The following TSPAN5 variants were observed in gnomAD, a reference collection of about 807,000 sequenced individuals.
The protein encoded by TSPAN5 is tetraspanin-5.
A neutral mutation model predicts 37.1 loss-of-function variants in TSPAN5; 10 were observed. The observed-to-expected ratio is 0.27, with a 90% confidence interval of 0.17 to 0.46. TSPAN5 has a LOEUF of 0.46. TSPAN5 is among the 20% of genes least tolerant of loss of function. TSPAN5 has a pLI of 1.00. For missense variants in TSPAN5, 195 were observed against 326.6 expected (o/e 0.60, Z 3.11); for synonymous variants, 110 against 118.9 (o/e 0.93, Z 0.48).
intron 1 of TSPAN5, among the ~76,000 whole-genome samples, chr4:98,552,631 A>G (rs1438678091): frequency 6.6e-6 from 1 of 152,172 alleles, no homozygotes; most frequent in Admixed American, 6.5e-5. Context: ...GTGGGTGCTT[A>G]AGACTTGTCC....
chr4:98,512,222 GA>G (rs138647609), intron 1 of TSPAN5, among the ~76,000 whole-genome samples: 20 of 146,488 alleles, frequency 1.4e-4, no homozygotes, highest in South Asian at 8.7e-4. Context: ...AAACAAAAAA[GA>G]AAAAAAAAAG....
intron 1 of TSPAN5, among the ~76,000 whole-genome samples, chr4:98,642,134 C>A (rs931635316): frequency 1.3e-5 from 2 of 152,314 alleles, no homozygotes; most frequent in South Asian, 4.1e-4. Flanking sequence ...GCTATTCCTG[C>A]TCAAAAGAAT....
At chr4:98,550,245 T>A (rs1210878017) in intron 1 of TSPAN5, among the ~76,000 whole-genome samples, 2 of 152,186 alleles carry the variant, frequency 1.3e-5, no homozygotes, top group Non-Finnish European at 2.9e-5. Flanking sequence ...GATCTATGTG[T>A]CTATTTTTAT....
intron 2 of TSPAN5, among the ~76,000 whole-genome samples, chr4:98,502,056 G>A (rs1292352088): frequency 1.3e-5 from 2 of 152,206 alleles, no homozygotes; most frequent in Admixed American, 6.5e-5. Flanking sequence ...CTGATGGGCT[G>A]AATATGGTAT....
intron 2 of TSPAN5, among the ~76,000 whole-genome samples, chr4:98,493,473 C>T (rs573724156): frequency 2.0e-4 from 31 of 152,144 alleles, no homozygotes; most frequent in African/African-American, 5.8e-4. Context: ...TATTTCCATC[C>T]GTTTTAGTTG....
At chr4:98,531,463 C>T (rs1754086518) in intron 1 of TSPAN5, among the ~76,000 whole-genome samples, 1 of 152,208 alleles carries the variant, frequency 6.6e-6, no homozygotes, top group Admixed American at 6.5e-5. Flanking sequence ...TTCATCCAGT[C>T]TATCACTGAT....
intron 1 of TSPAN5, among the ~76,000 whole-genome samples, chr4:98,574,285 A>C (rs1278614012): frequency 2.0e-5 from 3 of 152,126 alleles, no homozygotes; most frequent in Admixed American, 6.5e-5. Context: ...TAAACTTACC[A>C]ACAGTTGATG....
At chr4:98,486,396 T>C (rs1302842870) in intron 3 of TSPAN5, 1 of 200,734 alleles carries the variant, frequency 5.0e-6, no homozygotes, top group Non-Finnish European at 9.9e-6. Flanking sequence ...CCACTTACTA[T>C]GTGCATTAAA....
At chr4:98,639,762 T>TA (rs1248024421) in intron 1 of TSPAN5, among the ~76,000 whole-genome samples, 1 of 152,216 alleles carries the variant, frequency 6.6e-6, no homozygotes, top group Non-Finnish European at 1.5e-5. Flanking sequence ...ATTAGAAACT[T>TA]ATCTATGTTT....
At chr4:98,607,621 T>C (rs1199604445) in intron 1 of TSPAN5, among the ~76,000 whole-genome samples, 1 of 152,194 alleles carries the variant, frequency 6.6e-6, no homozygotes, top group Non-Finnish European at 1.5e-5. Context: ...TACATATACA[T>C]TTTGTTACAA....
At chr4:98,499,079 C>T (rs897103205) in intron 2 of TSPAN5, among the ~76,000 whole-genome samples, 1 of 152,214 alleles carries the variant, frequency 6.6e-6, no homozygotes, top group African/African-American at 2.4e-5. Context: ...GCAGGGCTGC[C>T]AGGTGGTCAC....
chr4:98,607,709 GA>G (rs1480096680), intron 1 of TSPAN5, among the ~76,000 whole-genome samples: 3 of 149,270 alleles, frequency 2.0e-5, no homozygotes, highest in African/African-American at 5.0e-5. Flanking sequence ...TGCCTTAAAT[GA>G]AATTTTTTTT....
chr4:98,649,390 T>A (rs888262573), intron 1 of TSPAN5, among the ~76,000 whole-genome samples: 1 of 152,164 alleles, frequency 6.6e-6, no homozygotes, highest in African/African-American at 2.4e-5. Context: ...TAAATCTAAA[T>A]TCAAATAATT....
At chr4:98,616,413 C>T (rs919545399) in intron 1 of TSPAN5, among the ~76,000 whole-genome samples, 19 of 152,126 alleles carry the variant, frequency 1.2e-4, no homozygotes, top group Middle Eastern at 3.4e-3. Context: ...ATATGGGTGA[C>T]GGCATTTCAG....
At chr4:98,566,964 C>T (rs767400321) in intron 1 of TSPAN5, among the ~76,000 whole-genome samples, 12 of 152,232 alleles carry the variant, frequency 7.9e-5, no homozygotes, top group South Asian at 2.1e-4. Flanking sequence ...GCAGCCTACA[C>T]GGCCAAGTGC....
intron 1 of TSPAN5, among the ~76,000 whole-genome samples, chr4:98,590,889 T>C (rs1178994281): frequency 6.6e-6 from 1 of 151,860 alleles, no homozygotes; most frequent in Non-Finnish European, 1.5e-5. Context: ...AAGATAACCA[T>C]CCATCCACAC....
intron 3 of TSPAN5, chr4:98,484,602 T>G (rs912941000): frequency 1.3e-5 from 6 of 454,780 alleles, no homozygotes; most frequent in South Asian, 9.3e-5. Flanking sequence ...TCTTCAACTG[T>G]AAGAAATGAT....
intron 1 of TSPAN5, among the ~76,000 whole-genome samples, chr4:98,523,065 T>C (rs1054462653): frequency 3.3e-5 from 5 of 152,370 alleles, no homozygotes; most frequent in Admixed American, 2.6e-4. Flanking sequence ...TGTTCTTTTA[T>C]ATAAGACTTT....
chr4:98,585,220 C>T (rs1755459995), intron 1 of TSPAN5, among the ~76,000 whole-genome samples: 1 of 152,128 alleles, frequency 6.6e-6, no homozygotes, highest in South Asian at 2.1e-4. Context: ...TGTAGTGTAC[C>T]CATTACCCGA....
Sources: gnomAD v4.1 joint callset for allele counts (sites outside exome capture counted in the v4.1 genomes callset) on GRCh38, gnomAD v4.1.1 for gene constraint, MANE v1.5 for transcripts, NCBI Gene and HGNC (gene_info 2026-07-23, HGNC 2026-07-21) for gene names.